RGS7: variants seen among roughly 807,000 people sequenced by gnomAD.
The protein encoded by RGS7 is regulator of G protein signaling 7, also known as regulator of G-protein signaling 7.
In RGS7, 27 loss-of-function variants were observed where a neutral mutation model predicts 81.1. The observed-to-expected ratio is 0.33, with a 90% CI of 0.25 to 0.46. The LOEUF is 0.46. Ranked by LOEUF, RGS7 falls within the 20% of genes least tolerant of loss-of-function variation. The probability of loss-of-function intolerance (pLI) is 1.00; values close to 1 mark genes in which losing one functional copy is unlikely to be tolerated. For synonymous variants in RGS7, 208 were observed against 207.7 expected, an observed-to-expected ratio of 1.00 and a Z score of -0.01; for missense variants, 396 against 607.4, an observed-to-expected ratio of 0.65 and a Z score of 3.66.
chr1:240,834,659 C>T (rs546483029), intron 9 of RGS7, among the ~76,000 whole-genome samples: 284 of 152,106 alleles, frequency 1.9e-3, no homozygotes, highest in Non-Finnish European at 3.1e-3. Context: ...TACAGGTGTC[C>T]GCCACCACGC....
intron 2 of RGS7, among the ~76,000 whole-genome samples, chr1:241,112,919 C>A (rs1191592245): frequency 6.6e-6 from 1 of 152,116 alleles, no homozygotes; most frequent in Non-Finnish European, 1.5e-5. Flanking sequence ...TTCTGACTTG[C>A]CTTTTATATG....
At chr1:241,344,469 C>T (rs1036612111) in intron 2 of RGS7, among the ~76,000 whole-genome samples, 4 of 152,210 alleles carry the variant, frequency 2.6e-5, no homozygotes, top group Non-Finnish European at 5.9e-5. Flanking sequence ...ACAAGCTTTA[C>T]ATGCACTGTT....
intron 10 of RGS7, chr1:240,822,975 G>T: frequency 1.9e-6 from 1 of 527,308 alleles, no homozygotes; most frequent in Non-Finnish European, 3.5e-6. Flanking sequence ...TTTCATCAGG[G>T]GCTATTCATC....
chr1:240,943,887 C>T (rs1030189335), intron 4 of RGS7, among the ~76,000 whole-genome samples: 4 of 151,774 alleles, frequency 2.6e-5, no homozygotes, highest in Middle Eastern at 3.4e-3. Flanking sequence ...AGAGAGAGCA[C>T]GGGGACAGCA....
At chr1:241,207,132 C>T (rs1396361149) in intron 2 of RGS7, among the ~76,000 whole-genome samples, 1 of 151,388 alleles carries the variant, frequency 6.6e-6, no homozygotes, top group Admixed American at 6.6e-5. Flanking sequence ...CCACGCCCGG[C>T]TAATTTTTGT....
rs115729826 is a variant in RGS7, at chr1:240,963,221, C to T, written c.226+19858G>A. On this transcript the variant is annotated intron_variant, in intron 4 of 18. Transcript: ENST00000440928. Reference sequence around the variant, plus strand: ...CACAGATTTGGGGATAGAAGAATTTCGTCCATTTAGATTTGTTCAGTCTAT... The same window carrying T: ...CACAGATTTGGGGATAGAAGAATTTTGTCCATTTAGATTTGTTCAGTCTAT... 7.1e-3 allele frequency among the ~76,000 whole-genome samples: 1,080 copies of T among 152,162 alleles called. 9 individuals are homozygous for T. Among genetic ancestry groups the T allele is most frequent in the African/African-American group, 0.023 (969 of 41,500 alleles).
intron 3 of RGS7, among the ~76,000 whole-genome samples, chr1:241,008,136 AC>A (rs2058769313): frequency 1.3e-5 from 2 of 152,148 alleles, no homozygotes; most frequent in Non-Finnish European, 2.9e-5. Context: ...AAACAAACAA[AC>A]AAAACAAACA....
At chr1:240,928,778 T>C (rs905349883) in intron 6 of RGS7, among the ~76,000 whole-genome samples, 1 of 151,812 alleles carries the variant, frequency 6.6e-6, no homozygotes, top group Non-Finnish European at 1.5e-5. Flanking sequence ...CCCTGGCTAA[T>C]TTTTGTATTT....
At chr1:240,792,981 C>T (rs1377145832) in intron 18 of RGS7, among the ~76,000 whole-genome samples, 1 of 152,122 alleles carries the variant, frequency 6.6e-6, no homozygotes, top group Non-Finnish European at 1.5e-5. Context: ...ACAGAGCCCC[C>T]AGGATGGTCT....
chr1:240,927,383 C>T (rs1412204699), intron 6 of RGS7, among the ~76,000 whole-genome samples: 1 of 152,144 alleles, frequency 6.6e-6, no homozygotes, highest in Non-Finnish European at 1.5e-5. Flanking sequence ...CTTCTTTAAC[C>T]TGCCTTATGC....
At chr1:240,884,076 TCAAAAAAAAAAAAAAA>T (rs1262377737) in intron 6 of RGS7, among the ~76,000 whole-genome samples, 39 of 24,286 alleles carry the variant, frequency 1.6e-3, no homozygotes, top group African/African-American at 5.8e-3. Context: ...AAACTCCATC[TCAAAAAAAAAAAAAAA>T]AAAAAAAAAA....
At chr1:241,118,856 A>C (rs1264153776) in intron 2 of RGS7, among the ~76,000 whole-genome samples, 1 of 152,082 alleles carries the variant, frequency 6.6e-6, no homozygotes, top group Non-Finnish European at 1.5e-5. Flanking sequence ...ACATAGACAT[A>C]AAGATGAAAA....
chr1:241,106,452 T>C (rs1045660993), intron 2 of RGS7, among the ~76,000 whole-genome samples: 2 of 152,146 alleles, frequency 1.3e-5, no homozygotes, highest in Non-Finnish European at 2.9e-5. Flanking sequence ...TGGTGGCTCA[T>C]GCCTATAATC....
intron 2 of RGS7, among the ~76,000 whole-genome samples, chr1:241,305,108 G>A (rs2080009644): frequency 6.6e-6 from 1 of 152,180 alleles, no homozygotes; most frequent in Non-Finnish European, 1.5e-5. Flanking sequence ...TATTTTCTCA[G>A]GTAGATTCTT....
At chr1:241,355,629 A>G in intron 2 of RGS7, 70 bp downstream of exon 2, 1 of 1,352,428 alleles carries the variant, frequency 7.4e-7, no homozygotes, top group Non-Finnish European at 1.1e-6. Context: ...ACATACTCTG[A>G]TCTAGAGGGG....
intron 3 of RGS7, among the ~76,000 whole-genome samples, chr1:241,040,733 G>A (rs1164149154): frequency 2.0e-5 from 3 of 151,942 alleles, no homozygotes; most frequent in Admixed American, 6.6e-5. Context: ...CAGGTGATCC[G>A]CCCACCTCGG....
intron 2 of RGS7, among the ~76,000 whole-genome samples, chr1:241,270,759 C>T (rs550825685): frequency 2.7e-5 from 4 of 149,728 alleles, no homozygotes; most frequent in South Asian, 2.1e-4. Flanking sequence ...AAACCCCCCC[C>T]CCTTTTTTTT....
intron 9 of RGS7, among the ~76,000 whole-genome samples, chr1:240,845,717 G>A (rs1025044149): frequency 6.6e-6 from 1 of 152,166 alleles, no homozygotes; most frequent in Non-Finnish European, 1.5e-5. Flanking sequence ...TGCTACACAG[G>A]CAATCAATGT....
chr1:240,860,280 T>C (rs983505924), intron 9 of RGS7, among the ~76,000 whole-genome samples: 1 of 152,186 alleles, frequency 6.6e-6, no homozygotes, highest in African/African-American at 2.4e-5. Flanking sequence ...CTGCTTGAAC[T>C]GTAAATTACT....
Sources: allele counts gnomAD v4.1 joint callset (sites outside exome capture counted in the v4.1 genomes callset), GRCh38; gene constraint gnomAD v4.1.1; transcripts MANE v1.5; gene names NCBI Gene and HGNC (gene_info 2026-07-23, HGNC 2026-07-21).